The following MAPK8 variants were observed in gnomAD, a reference collection of about 807,000 sequenced individuals.
MAPK8 encodes JUN N-terminal kinase.
MAPK8 carries 13 observed loss-of-function variants against 52.9 expected under a neutral mutation model. The ratio of observed to expected loss-of-function variants is 0.25; its 90% CI spans 0.16 to 0.39. MAPK8 has a LOEUF of 0.39. Ranked by LOEUF, MAPK8 falls within the 10% of genes least tolerant of loss-of-function variation. The probability of loss-of-function intolerance (pLI) is 1.00; values close to 1 mark genes in which losing one functional copy is unlikely to be tolerated. For synonymous variants in MAPK8, 191 were observed against 169.8 expected, an observed-to-expected ratio of 1.12 and a Z score of -0.97; for missense variants, 300 against 519.2, an observed-to-expected ratio of 0.58 and a Z score of 4.10.
intron 10 of MAPK8, chr10:48,430,955 G>C: frequency 1.9e-6 from 1 of 526,738 alleles, no homozygotes; most frequent in South Asian, 2.3e-5. Context: ...ACCAACTTCA[G>C]AAACAGTGAA....
At chr10:48,379,762 A>G (rs2040875947) in intron 1 of MAPK8, among the ~76,000 whole-genome samples, 1 of 152,120 alleles carries the variant, frequency 6.6e-6, no homozygotes, top group Admixed American at 6.5e-5. Context: ...TCATTAACAC[A>G]TCAGTTTTTT....
intron 1 of MAPK8, among the ~76,000 whole-genome samples, chr10:48,356,491 T>G (rs1390673783): frequency 1.3e-5 from 2 of 152,074 alleles, no homozygotes; most frequent in African/African-American, 2.4e-5. Context: ...ATTAACTACA[T>G]TAAATGTAAG....
At chr10:48,331,657 G>A (rs556038313) in intron 1 of MAPK8, among the ~76,000 whole-genome samples, 8 of 152,334 alleles carry the variant, frequency 5.3e-5, no homozygotes, top group African/African-American at 1.9e-4. Context: ...TGGAAGTGGT[G>A]AACCGTGAAC....
At chr10:48,316,206 A>G (rs534707763) in intron 1 of MAPK8, among the ~76,000 whole-genome samples, 1 of 152,310 alleles carries the variant, frequency 6.6e-6, no homozygotes, top group Admixed American at 6.5e-5. Flanking sequence ...GGTCCCATAA[A>G]ATTATACCAT....
chr10:48,325,475 G>A (rs1843422225), intron 1 of MAPK8, among the ~76,000 whole-genome samples: 1 of 151,798 alleles, frequency 6.6e-6, no homozygotes, highest in Non-Finnish European at 1.5e-5. Context: ...AGGGATTTTT[G>A]TTTTTTTCAG....
Position 48,438,234 on chromosome 10 carries a change from T to C in MAPK8, c.*3205T>C, listed in dbSNP as rs1207510594. Reference sequence around the variant, plus strand: ...AGGTAAACCAAACACCATTCTGTCATTAGCAGCCCTCTTAAATGTTGCCTC... The same window carrying C: ...AGGTAAACCAAACACCATTCTGTCACTAGCAGCCCTCTTAAATGTTGCCTC... On this transcript the variant is annotated 3_prime_UTR_variant, in exon 12 of 12. Coordinates refer to ENST00000374189, the MANE Select transcript of MAPK8 (RefSeq NM_001323329.2). The C allele has an allele frequency of 6.6e-6, 1 of 152,280 alleles. No homozygotes were observed. The highest frequency in any genetic ancestry group is 1.5e-5 in the Non-Finnish European group (1 of 68,048). The allele number at this position is 152,280 out of a possible 1,614,324, so 9.4% of individuals were successfully genotyped here.
intron 2 of MAPK8, among the ~76,000 whole-genome samples, chr10:48,403,487 G>A (rs538879327): frequency 5.0e-4 from 76 of 151,814 alleles, no homozygotes; most frequent in African/African-American, 1.8e-3. Flanking sequence ...AGCAATTATG[G>A]TAACGTATTA....
chr10:48,376,856 C>T (rs1467738699), intron 1 of MAPK8, among the ~76,000 whole-genome samples: 1 of 152,178 alleles, frequency 6.6e-6, no homozygotes, highest in Admixed American at 6.5e-5. Flanking sequence ...ACCCAGCAAT[C>T]CCATTACTGG....
intron 5 of MAPK8, among the ~76,000 whole-genome samples, chr10:48,414,779 G>T (rs1416701622): frequency 6.6e-6 from 1 of 151,750 alleles, no homozygotes; most frequent in Non-Finnish European, 1.5e-5. Flanking sequence ...ACGGGGTCTT[G>T]CCATATTGCC....
At chr10:48,428,922 A>G (rs1325432780) in intron 10 of MAPK8, among the ~76,000 whole-genome samples, 1 of 151,486 alleles carries the variant, frequency 6.6e-6, no homozygotes, top group East Asian at 1.9e-4. Flanking sequence ...CCTGAGCTCA[A>G]GTGATCCTGC....
intron 1 of MAPK8, among the ~76,000 whole-genome samples, chr10:48,327,959 A>G (rs1442014114): frequency 1.3e-5 from 2 of 152,190 alleles, no homozygotes; most frequent in African/African-American, 2.4e-5. Context: ...TACTTGGGAT[A>G]AGTAATGATG....
At chr10:48,383,762 T>C (rs2041152740) in intron 1 of MAPK8, among the ~76,000 whole-genome samples, 2 of 152,256 alleles carry the variant, frequency 1.3e-5, no homozygotes, top group Admixed American at 1.3e-4. Context: ...AGTTGCACTG[T>C]TTGCTCCTTT....
intron 1 of MAPK8, among the ~76,000 whole-genome samples, chr10:48,392,663 A>G (rs2041686714): frequency 6.7e-6 from 1 of 149,840 alleles, no homozygotes; most frequent in South Asian, 2.1e-4. Flanking sequence ...CCCCATTCTC[A>G]CTCTTCCTCT....
chr10:48,366,057 T>C (rs562307190), intron 1 of MAPK8, among the ~76,000 whole-genome samples: 3 of 152,196 alleles, frequency 2.0e-5, no homozygotes, highest in South Asian at 4.1e-4. Flanking sequence ...ATTCAGTTTT[T>C]TTTTTCTTAA....
chr10:48,308,601 C>T (rs958791407), intron 1 of MAPK8, among the ~76,000 whole-genome samples: 8 of 152,024 alleles, frequency 5.3e-5, no homozygotes, highest in African/African-American at 1.9e-4. Flanking sequence ...CGTGTGTGTG[C>T]ATGTACGTAA....
intron 1 of MAPK8, among the ~76,000 whole-genome samples, chr10:48,333,419 A>T (rs1221312694): frequency 6.6e-6 from 1 of 152,202 alleles, no homozygotes; most frequent in African/African-American, 2.4e-5. Context: ...GCTACCCTTG[A>T]GAGACAGGAT....
intron 11 of MAPK8, 47 bp downstream of exon 11, chr10:48,431,317 GT>G (rs2044230141): frequency 7.7e-7 from 1 of 1,305,824 alleles, no homozygotes; most frequent in African/African-American, 1.5e-5. Flanking sequence ...TACTTCTTGT[GT>G]TGTAATCTTC....
chr10:48,336,145 T>G (rs1844661024), intron 1 of MAPK8, among the ~76,000 whole-genome samples: 1 of 152,108 alleles, frequency 6.6e-6, no homozygotes, highest in African/African-American at 2.4e-5. Flanking sequence ...ATTGTTAAAT[T>G]TCTACCCTGA....
At chr10:48,338,390 G>A (rs1339543804) in intron 1 of MAPK8, among the ~76,000 whole-genome samples, 1 of 151,116 alleles carries the variant, frequency 6.6e-6, no homozygotes, top group African/African-American at 2.5e-5. Context: ...ATCTCTCCAT[G>A]ATAAAACCTC....
Sources: gnomAD v4.1 joint callset for allele counts (sites outside exome capture counted in the v4.1 genomes callset) on GRCh38, gnomAD v4.1.1 for gene constraint, MANE v1.5 for transcripts, NCBI Gene and HGNC (gene_info 2026-07-23, HGNC 2026-07-21) for gene names.